The following PAXIP1 variants were observed in gnomAD, a reference collection of about 807,000 sequenced individuals.
The protein encoded by PAXIP1 is PAX-interacting protein 1.
Under a neutral mutation model 140.6 loss-of-function variants are expected in PAXIP1, and 19 were observed. The ratio of observed to expected loss-of-function variants is 0.14; its 90% CI spans 0.09 to 0.20. The LOEUF (loss-of-function observed/expected upper bound fraction) is 0.20, where lower values mean the gene tolerates loss of function less well. PAXIP1 is among the 10% of genes least tolerant of loss of function. The pLI, the probability that PAXIP1 is intolerant of heterozygous loss-of-function variation, is 1.00. For synonymous variants in PAXIP1, 442 were observed against 444.6 expected, an observed-to-expected ratio of 0.99 and a Z score of 0.07; for missense variants, 920 against 1,208.6, an observed-to-expected ratio of 0.76 and a Z score of 3.54.
Position 154,993,717 on chromosome 7 carries a change from A to G in PAXIP1, c.260+9T>C. 1.3e-6 allele frequency: 2 copies of G among 1,589,440 alleles called. No homozygotes were observed. Among genetic ancestry groups the G allele is most frequent in the Middle Eastern group, 1.7e-4 (1 of 6,036 alleles). Reference sequence around the variant, plus strand: ...CTTTCCCTCCTCCCCCACTCAAAAAAAAGGATACGGCAGAAGAGTTCCACA... The same window carrying G: ...CTTTCCCTCCTCCCCCACTCAAAAAGAAGGATACGGCAGAAGAGTTCCACA... On this transcript the variant is annotated intron_variant, in intron 3 of 20. Transcript: ENST00000404141.
rs1231349374 is a variant in PAXIP1, at chr7:154,962,392, T to C, written c.2056A>G (p.Met686Val). Residue 686 changes from methionine to valine, a missense_variant, in exon 10 of 21, where the codon ATG becomes GTG. Around this residue, in one of 5 missense-constraint regions of PAXIP1, gnomAD observed 303 missense variants for 517.9 expected, o/e 0.59. Coordinates refer to ENST00000404141, the MANE Select transcript of PAXIP1 (RefSeq NM_007349.4). ...TGAAGGGCTCGGTGCGGCGGTACCA[T>C]TTTCTTCTTCTTTAAGACTGTGTTT... is the stretch of plus-strand genomic sequence containing the variant. Reference protein sequence around the residue: ...WLNTVLKKKKMVPPHRALHFP... With the variant: ...WLNTVLKKKKVVPPHRALHFP... 13 of 1,610,218 alleles carry C rather than the reference T, an allele frequency of 8.1e-6. No individual in the cohort carries two copies. Among genetic ancestry groups the C allele is most frequent in the Non-Finnish European group, 9.3e-6 (11 of 1,178,270 alleles).
At position 154,954,090 on chromosome 7, in the gene PAXIP1, T is replaced by C. The variant is rs1808404350; in HGVS notation, c.2821+165A>G. Among the ~76,000 whole-genome samples the C allele has an allele frequency of 6.6e-6, 1 of 152,008 alleles. No individual in the cohort carries two copies. Among genetic ancestry groups the C allele is most frequent in the African/African-American group, 2.4e-5 (1 of 41,396 alleles). On this transcript the variant is annotated intron_variant, in intron 16 of 20. Coordinates refer to ENST00000404141, the MANE Select transcript of PAXIP1 (RefSeq NM_007349.4). The surrounding 1 kb of genome is among the most constrained non-coding windows in gnomAD (Gnocchi z 5.1). ...ACACCTAGGGTAAAATGCAAAGACA[T>C]CAATCAAAGGAATCACTGGGGATAT...
Position 154,955,538 on chromosome 7 carries a change from C to T in PAXIP1, c.2643G>A (p.Gln881=). 6.2e-7 allele frequency: 1 copy of T among 1,604,466 alleles called. No homozygotes were observed. Reference sequence around the variant, plus strand: ...GTAGATGAAATTTCACCTTAATATACTGTTGAACCTGGACAGGCTCGAATC... The same window carrying T: ...GTAGATGAAATTTCACCTTAATATATTGTTGAACCTGGACAGGCTCGAATC... The part of the protein sequence containing the change: ...FTGFEPVQVQ[Q]YIKKLYILGG... Residue 881 remains glutamine (Q), a synonymous_variant, in exon 15 of 21, where the codon CAG becomes CAA. Transcript: ENST00000404141.
chr7:154,960,199 G>A (rs907722199), intron 12 of PAXIP1, among the ~76,000 whole-genome samples: 2 of 152,146 alleles, frequency 1.3e-5, no homozygotes, highest in African/African-American at 4.8e-5. Flanking sequence ...ACGTTGTGTC[G>A]AAACCCATGG....
intron 6 of PAXIP1, among the ~76,000 whole-genome samples, chr7:154,969,910 A>G (rs1431864211): frequency 6.6e-6 from 1 of 152,174 alleles, no homozygotes; most frequent in Non-Finnish European, 1.5e-5. Context: ...GGGACACAAA[A>G]ATATTTCAAG....
rs556161733 is a variant in PAXIP1, at chr7:154,973,797, A to T, written c.1074+1899T>A. On this transcript the variant is annotated intron_variant, in intron 6 of 20. Coordinates refer to ENST00000404141, the MANE Select transcript of PAXIP1 (RefSeq NM_007349.4). The surrounding 1 kb of genome is among the most constrained non-coding windows in gnomAD (Gnocchi z 4.0). The stretch of plus-strand genomic sequence containing the variant: ...TCATCAACATCAAGCCTTTCCACTG[A>T]AAGTGGATGTGGAGAATACTGGATC... Among the ~76,000 whole-genome samples the T allele has an allele frequency of 6.6e-6, 1 of 152,366 alleles. No homozygotes were observed. The highest frequency in any genetic ancestry group is 2.1e-4 in the South Asian group (1 of 4,832).
chr7:154,996,420 A>G (rs1810614663), intron 2 of PAXIP1, among the ~76,000 whole-genome samples: 3 of 152,216 alleles, frequency 2.0e-5, no homozygotes, highest in Admixed American at 2.0e-4. Context: ...ACAGTAAACT[A>G]CCTTGGCAAA....
chr7:154,957,104 C>A, intron 14 of PAXIP1, 120 bp downstream of exon 14: 1 of 557,130 alleles, frequency 1.8e-6, no homozygotes. Flanking sequence ...AAGCAAAAAG[C>A]AAACTCTTTC....
In PAXIP1 at chr7:154,943,971, T is replaced by C. The variant is rs985893688; in HGVS notation, c.*178A>G. 2 of 663,508 alleles carry C rather than the reference T, an allele frequency of 3.0e-6. No individual in the cohort carries two copies. Among genetic ancestry groups the C allele is most frequent in the Middle Eastern group, 2.6e-4 (1 of 3,898 alleles). 41.1% of individuals were successfully genotyped at this position (663,508 alleles called of 1,614,324 possible). A position where few individuals can be genotyped will look rare whatever the true frequency, so the allele number is the denominator to read the frequency against. On this transcript the variant is annotated 3_prime_UTR_variant, in exon 21 of 21. Coordinates refer to ENST00000404141, the MANE Select transcript of PAXIP1 (RefSeq NM_007349.4). ...TAATTTATGTTTCCTCAGAATAAAA[T>C]TGCACATCTTAAAAAGATGCAGTAT...
intron 3 of PAXIP1, 121 bp from the exon 4 acceptor site, chr7:154,991,190 A>C (rs1430795148): frequency 7.2e-6 from 4 of 556,084 alleles, no homozygotes; most frequent in African/African-American, 2.0e-5. Flanking sequence ...CAGACTTAAG[A>C]TAGACAAAGA....
intron 3 of PAXIP1, among the ~76,000 whole-genome samples, chr7:154,991,962 C>T (rs1429555353): frequency 6.6e-6 from 1 of 152,158 alleles, no homozygotes; most frequent in African/African-American, 2.4e-5. Context: ...ATCCTATAAA[C>T]ATTTGAGACT....
chr7:154,961,496 T>A, intron 11 of PAXIP1, 31 bp downstream of exon 11: 1 of 1,542,606 alleles, frequency 6.5e-7, no homozygotes, highest in Non-Finnish European at 8.8e-7. Context: ...TGTAAATTTA[T>A]GATTAAAAAC....
chr7:154,978,514 T>C (rs1809701809), intron 5 of PAXIP1, among the ~76,000 whole-genome samples: 1 of 152,208 alleles, frequency 6.6e-6, no homozygotes, highest in Admixed American at 6.5e-5. Context: ...CTTAAATATT[T>C]AAAAGCATAA....
intron 4 of PAXIP1, among the ~76,000 whole-genome samples, chr7:154,988,537 G>A (rs1810178650): frequency 6.6e-6 from 1 of 152,124 alleles, no homozygotes; most frequent in African/African-American, 2.4e-5. Context: ...TAAACTCATA[G>A]TTAATATTTA....
chr7:154,999,083 G>C (rs1195713853), intron 1 of PAXIP1, among the ~76,000 whole-genome samples: 2 of 152,234 alleles, frequency 1.3e-5, no homozygotes, highest in African/African-American at 4.8e-5. Context: ...CCAGGAGACA[G>C]CACAACCACT....
intron 13 of PAXIP1, among the ~76,000 whole-genome samples, chr7:154,958,130 A>G (rs1808610006): frequency 6.6e-6 from 1 of 152,188 alleles, no homozygotes; most frequent in African/African-American, 2.4e-5. Context: ...CAGACAAGGT[A>G]CCAAAACCTA....
At chr7:154,980,031 CA>C (rs1294925873) in intron 5 of PAXIP1, among the ~76,000 whole-genome samples, 3 of 152,128 alleles carry the variant, frequency 2.0e-5, no homozygotes, top group Non-Finnish European at 4.4e-5. Flanking sequence ...GTATTTGTCA[CA>C]AAAGCTGGCT....
At chr7:154,976,549 A>G (rs1453261420) in intron 5 of PAXIP1, among the ~76,000 whole-genome samples, 1 of 152,248 alleles carries the variant, frequency 6.6e-6, no homozygotes, top group Admixed American at 6.5e-5. Flanking sequence ...GGAAGGTCTC[A>G]CACCTGTAGC....
At chr7:154,984,250 T>C (rs1200533678) in intron 4 of PAXIP1, among the ~76,000 whole-genome samples, 3 of 151,836 alleles carry the variant, frequency 2.0e-5, no homozygotes, top group Admixed American at 1.3e-4. Flanking sequence ...AAATAATTTC[T>C]AAAAAAAATG....
Sources: allele counts gnomAD v4.1 joint callset (sites outside exome capture counted in the v4.1 genomes callset), GRCh38; gene constraint gnomAD v4.1.1; regional missense constraint gnomAD v4.1.1; non-coding constraint Gnocchi (gnomAD v3.1); transcripts MANE v1.5; gene names NCBI Gene and HGNC (gene_info 2026-07-23, HGNC 2026-07-21).